RMDN2: variants seen among roughly 807,000 people sequenced by gnomAD.
The protein encoded by RMDN2 is regulator of microtubule dynamics 2, also known as regulator of microtubule dynamics protein 2.
Under a neutral mutation model 52.8 loss-of-function variants are expected in RMDN2, and 61 were observed. That is an observed-to-expected ratio of 1.16 (90% confidence interval 0.94 to 1.43). The LOEUF (loss-of-function observed/expected upper bound fraction) is 1.43, where lower values mean the gene tolerates loss of function less well. Among genes scored for constraint, RMDN2 ranks in the 40% most tolerant of loss-of-function variants. The probability of loss-of-function intolerance (pLI) is 0.00; values close to 1 mark genes in which losing one functional copy is unlikely to be tolerated. For missense variants in RMDN2, 592 were observed against 475.3 expected, an observed-to-expected ratio of 1.25 and a Z score of -2.28; for synonymous variants, 180 against 153.1, an observed-to-expected ratio of 1.18 and a Z score of -1.30.
At chr2:37,932,730 G>A (rs1353254390) in intron 2 of RMDN2, among the ~76,000 whole-genome samples, 1 of 147,488 alleles carries the variant, frequency 6.8e-6, no homozygotes, top group Admixed American at 6.6e-5. Flanking sequence ...GGCTGGCCGG[G>A]CAGAGGGGCT....
At chr2:37,992,822 C>A (rs116434628) in intron 7 of RMDN2, among the ~76,000 whole-genome samples, 2 of 152,172 alleles carry the variant, frequency 1.3e-5, no homozygotes, top group African/African-American at 4.8e-5. Context: ...TTTTCAAAAA[C>A]CCTATAAGGT....
At chr2:38,022,432 C>A (rs1679458923), downstream of RMDN2, among the ~76,000 whole-genome samples, 1 of 152,142 alleles carries the variant, frequency 6.6e-6, no homozygotes, top group Non-Finnish European at 1.5e-5. Flanking sequence ...AGGATTGTTC[C>A]TGCTAGATCA....
chr2:37,924,624 C>T (rs959613272), upstream of RMDN2, among the ~76,000 whole-genome samples: 2 of 152,240 alleles, frequency 1.3e-5, no homozygotes, highest in Non-Finnish European at 2.9e-5. Context: ...GCCTCAGCCT[C>T]CCAAAGTGCT....
At chr2:38,022,975 G>A (rs1226723422) in intron 10 of RMDN2, among the ~76,000 whole-genome samples, 1 of 152,154 alleles carries the variant, frequency 6.6e-6, no homozygotes, top group Admixed American at 6.5e-5. Context: ...CTTTGAGCCC[G>A]GGGCTGTTTA....
chr2:37,947,223 GTC>G lies in RMDN2; in HGVS notation c.452+17496_452+17497del, dbSNP rs527602947. On this transcript the variant is annotated intron_variant, in intron 2 of 10. Transcript: ENST00000354545. ...CCCACCCTCCTGAGAAGTCTCCACT[GTC>G]TATTATTGCATGCTCAATGTCCATG... 2.0e-5 allele frequency among the ~76,000 whole-genome samples: 3 copies of G among 152,086 alleles called. No homozygotes were observed. In the East Asian group the frequency reaches 5.8e-4, roughly 29 times the overall value.
chr2:37,920,924 C>A (rs1477399229), upstream of RMDN2, among the ~76,000 whole-genome samples: 12 of 152,208 alleles, frequency 7.9e-5, no homozygotes, highest in Admixed American at 7.2e-4. Context: ...TGAATCATCA[C>A]CGAAATACTG....
intron 10 of RMDN2, among the ~76,000 whole-genome samples, chr2:38,049,508 C>G (rs1681464307): frequency 6.6e-6 from 1 of 152,196 alleles, no homozygotes; most frequent in Non-Finnish European, 1.5e-5. Context: ...ACATTTCTCT[C>G]AAACACTAGA....
chr2:38,038,587 C>G (rs1418439582), intron 10 of RMDN2, among the ~76,000 whole-genome samples: 1 of 152,176 alleles, frequency 6.6e-6, no homozygotes, highest in East Asian at 1.9e-4. Context: ...GGTTTGCACT[C>G]TTTTATAGTT....
chr2:37,957,329 C>G (rs1052519615), intron 2 of RMDN2, among the ~76,000 whole-genome samples: 1 of 152,184 alleles, frequency 6.6e-6, no homozygotes, highest in African/African-American at 2.4e-5. Flanking sequence ...TTGTTTCTGA[C>G]TTTTTAATTA....
intron 4 of RMDN2, chr2:37,976,290 A>C (rs1481609873): frequency 6.6e-6 from 1 of 152,224 alleles, no homozygotes; most frequent in African/African-American, 2.4e-5. Context: ...CTTGACTCTT[A>C]CTGGATGTCA....
chr2:37,940,449 T>C (rs1474690634), intron 2 of RMDN2, among the ~76,000 whole-genome samples: 1 of 152,224 alleles, frequency 6.6e-6, no homozygotes, highest in East Asian at 1.9e-4. Flanking sequence ...GTTGGGGAAG[T>C]TCTCCTGGAT....
At chr2:38,022,457 A>T (rs906213665), downstream of RMDN2, among the ~76,000 whole-genome samples, 1 of 152,192 alleles carries the variant, frequency 6.6e-6, no homozygotes, top group Non-Finnish European at 1.5e-5. Flanking sequence ...GTCCAAGCTG[A>T]TGGTACACCT....
chr2:37,987,204 A>G (rs1441973917), intron 5 of RMDN2, among the ~76,000 whole-genome samples: 3 of 152,194 alleles, frequency 2.0e-5, no homozygotes, highest in African/African-American at 7.2e-5. Flanking sequence ...TTAAAAACAT[A>G]ACACTATTTA....
chr2:37,987,822 G>A (rs545067947), intron 5 of RMDN2, among the ~76,000 whole-genome samples: 2 of 152,290 alleles, frequency 1.3e-5, no homozygotes, highest in East Asian at 3.9e-4. Context: ...GCTTTGGGAG[G>A]TCGAGGTGGG....
rs551870474 is a variant in RMDN2, at chr2:38,031,809, C to T, written c.1713+27593C>T. On this transcript the variant is annotated intron_variant, in intron 10 of 10. Transcript: ENST00000234195. ...ATGCTTCCTGAGCAGACGCCTTCCT[C>T]GGGATGCCTGGAGCCCATGAGGAAT... is the stretch of plus-strand genomic sequence containing the variant. Among the ~76,000 whole-genome samples, 161 of 152,288 alleles carry T rather than the reference C, an allele frequency of 1.1e-3. 1 individual carries two copies. The highest frequency in any genetic ancestry group is 3.1e-3 in the African/African-American group (130 of 41,550).
At chr2:37,951,928 G>C (rs1668869050) in intron 2 of RMDN2, 2 of 1,613,200 alleles carry the variant, frequency 1.2e-6, no homozygotes, top group Non-Finnish European at 8.5e-7. Context: ...ATTCAACAAA[G>C]GGGCCAATTA....
At chr2:38,032,209 GACCATCGCTCCAA>G (rs1221941080) in intron 10 of RMDN2, among the ~76,000 whole-genome samples, 24 of 152,092 alleles carry the variant, frequency 1.6e-4, no homozygotes, top group Admixed American at 1.4e-3. Flanking sequence ...TATAGAGCAT[GACCATCGCTCCAA>G]AAACTTCCCT....
chr2:38,004,902 T>A (rs1035255822), intron 10 of RMDN2, among the ~76,000 whole-genome samples: 5 of 149,822 alleles, frequency 3.3e-5, no homozygotes, highest in African/African-American at 1.2e-4. Flanking sequence ...CCTGCGTCCA[T>A]GTGTTCTGAT....
At chr2:37,921,452 T>C (rs1421951104), upstream of RMDN2, among the ~76,000 whole-genome samples, 1 of 152,244 alleles carries the variant, frequency 6.6e-6, no homozygotes, top group Non-Finnish European at 1.5e-5. Flanking sequence ...CTGAATATCA[T>C]AAACACAAAG....
Sources: allele counts gnomAD v4.1 joint callset (sites outside exome capture counted in the v4.1 genomes callset), GRCh38; gene constraint gnomAD v4.1.1; transcripts MANE v1.5; gene names NCBI Gene and HGNC (gene_info 2026-07-23, HGNC 2026-07-21).